The following SYNE1 variants were observed in gnomAD, a reference collection of about 807,000 sequenced individuals.
The protein encoded by SYNE1 is spectrin repeat containing nuclear envelope protein 1, also known as nesprin-1.
SYNE1 carries 616 observed loss-of-function variants against 1,111.0 expected under a neutral mutation model. The ratio of observed to expected loss-of-function variants is 0.55; its 90% CI spans 0.52 to 0.59. SYNE1 has a LOEUF of 0.59. Ranked by LOEUF, SYNE1 falls within the 20% of genes least tolerant of loss-of-function variation. SYNE1 has a pLI of 0.00. For synonymous variants in SYNE1, 3,855 were observed against 3,825.8 expected, an observed-to-expected ratio of 1.01 and a Z score of -0.28; for missense variants, 10,006 against 10,417.0, an observed-to-expected ratio of 0.96 and a Z score of 1.72.
intron 16 of SYNE1, among the ~76,000 whole-genome samples, chr6:152,469,010 T>C (rs1224039424): frequency 2.6e-5 from 4 of 152,136 alleles, no homozygotes; most frequent in African/African-American, 7.2e-5. Flanking sequence ...ACTCCTGGCC[T>C]CAAGTGACTC....
At chr6:152,380,976 C>G in intron 56 of SYNE1, 30 bp downstream of exon 56, 5 of 1,602,506 alleles carry the variant, frequency 3.1e-6, no homozygotes, top group Non-Finnish European at 4.3e-6. Context: ...TAAAGCATAA[C>G]CACCAATAGA....
In SYNE1 at chr6:152,244,536, C is replaced by T; in HGVS notation, c.19692+1G>A. 1 of 1,614,026 alleles carries T rather than the reference C, an allele frequency of 6.2e-7. No homozygotes were observed. The highest frequency in any genetic ancestry group is 8.5e-7 in the Non-Finnish European group (1 of 1,179,930). On this transcript the variant is annotated splice_donor_variant, in intron 106 of 145. Transcript: ENST00000367255. LOFTEE classifies it high-confidence loss of function. ...TGAATACTACTGGCTGAAGGCTGCA[C>T]CTGGAGCTTGGAGAGTTCTTGCATG...
intron 145 of SYNE1, chr6:152,125,376 T>A: frequency 6.5e-7 from 1 of 1,542,566 alleles, no homozygotes; most frequent in Non-Finnish European, 8.8e-7. Flanking sequence ...CCTCACAGTA[T>A]CCTGCAGATC....
chr6:152,551,518 G>T (rs1217475264), intron 3 of SYNE1, among the ~76,000 whole-genome samples: 1 of 152,226 alleles, frequency 6.6e-6, no homozygotes, highest in South Asian at 2.1e-4. Context: ...GGATGGGTTT[G>T]GTCCCTGAGA....
intron 127 of SYNE1, among the ~76,000 whole-genome samples, chr6:152,199,410 G>A (rs550551335): frequency 6.6e-6 from 1 of 152,248 alleles, no homozygotes; most frequent in African/African-American, 2.4e-5. Flanking sequence ...ATCTGTTGCT[G>A]TTACTACTCA....
intron 95 of SYNE1, among the ~76,000 whole-genome samples, chr6:152,291,625 T>C (rs1161684807): frequency 6.6e-6 from 1 of 152,196 alleles, no homozygotes; most frequent in Non-Finnish European, 1.5e-5. Context: ...TGCATTTTCA[T>C]GTACGAACTC....
chr6:152,610,706 G>C (rs1363454601), intron 3 of SYNE1, among the ~76,000 whole-genome samples: 1 of 152,106 alleles, frequency 6.6e-6, no homozygotes, highest in East Asian at 1.9e-4. Context: ...GATTCAGCAA[G>C]GTTGAAATGA....
rs770216813 is a variant in SYNE1, at chr6:152,534,170, AAATGAATGAATG to A, written c.129+5778_129+5789del. Reference sequence around the variant, plus strand: ...AAGACTCTGTCTCAAAAAAATAAATAAATGAATGAATGAATGAATGAATGAATGAATGAATAA... The same window carrying A: ...AAGACTCTGTCTCAAAAAAATAAATAAATGAATGAATGAATGAATGAATAA... On this transcript the variant is annotated intron_variant, in intron 4 of 145. Coordinates refer to ENST00000367255, the MANE Select transcript of SYNE1 (RefSeq NM_182961.4). Among the ~76,000 whole-genome samples the A allele has an allele frequency of 2.0e-4, 29 of 146,198 alleles. 1 individual carries two copies. The highest frequency in any genetic ancestry group is 1.5e-3 in the South Asian group (7 of 4,602).
Position 152,567,711 on chromosome 6 carries a change from A to G in SYNE1, c.68-27690T>C, listed in dbSNP as rs865813187. 3.9e-5 allele frequency among the ~76,000 whole-genome samples: 6 copies of G among 152,310 alleles called. No homozygotes were observed. In the Middle Eastern group the frequency reaches 0.01, roughly 259 times the overall value. ...AATCCAAGAAAAAAAAGTAATCTTT[A>G]TTGTCAAAAAATAGCTTCCTGGGTG... On this transcript the variant is annotated intron_variant, in intron 3 of 145. Coordinates refer to ENST00000367255, the MANE Select transcript of SYNE1 (RefSeq NM_182961.4).
At chr6:152,517,194 A>G (rs1261586116) in intron 6 of SYNE1, among the ~76,000 whole-genome samples, 2 of 152,246 alleles carry the variant, frequency 1.3e-5, no homozygotes, top group South Asian at 2.1e-4. Flanking sequence ...TGTATTTTCT[A>G]GAGTTCCTGT....
chr6:152,147,798 A>C (rs1048327955), intron 137 of SYNE1: 3 of 479,752 alleles, frequency 6.3e-6, no homozygotes, highest in African/African-American at 3.9e-5. Flanking sequence ...AAGAAGAGGA[A>C]CTGTGTATCC....
At chr6:152,376,268 A>G (rs1268732142) in intron 58 of SYNE1, 113 bp downstream of exon 58, 1 of 1,167,190 alleles carries the variant, frequency 8.6e-7, no homozygotes, top group Non-Finnish European at 1.3e-6. Context: ...CTGGTTCCTA[A>G]CAGGCCAGGG....
chr6:152,452,675 T>A (rs560597410), intron 25 of SYNE1, among the ~76,000 whole-genome samples: 2 of 152,288 alleles, frequency 1.3e-5, no homozygotes. Flanking sequence ...GCTAGAGCTG[T>A]CTTCCTCCTG....
intron 63 of SYNE1, among the ~76,000 whole-genome samples, chr6:152,363,526 TAAATAAATAAATAA>T (rs1256120900): frequency 6.8e-6 from 1 of 147,510 alleles, no homozygotes; most frequent in South Asian, 2.2e-4. Context: ...AATAAATAAA[TAAATAAATAAATAA>T]ATATAAAAAT....
chr6:152,607,103 G>A (rs112999414), intron 3 of SYNE1, among the ~76,000 whole-genome samples: 2 of 144,248 alleles, frequency 1.4e-5, no homozygotes, highest in African/African-American at 5.2e-5. Context: ...TCCTGCCTCA[G>A]CCCCCCCAGT....
intron 4 of SYNE1, among the ~76,000 whole-genome samples, chr6:152,530,951 C>G (rs1212776120): frequency 2.3e-4 from 33 of 144,582 alleles, no homozygotes; most frequent in Admixed American, 2.2e-3. Flanking sequence ...CTGTCCCTGC[C>G]TGGGACATGA....
intron 98 of SYNE1, among the ~76,000 whole-genome samples, chr6:152,269,809 G>A (rs1562657643): frequency 6.6e-6 from 1 of 152,116 alleles, no homozygotes; most frequent in Non-Finnish European, 1.5e-5. Context: ...ACATTTTAAT[G>A]TCTTTGAGAA....
intron 84 of SYNE1, 48 bp from the exon 85 acceptor site, chr6:152,319,063 A>G: frequency 6.2e-7 from 1 of 1,608,662 alleles, no homozygotes; most frequent in Non-Finnish European, 8.5e-7. Flanking sequence ...TTAAAAGTGA[A>G]TAATAGATAC....
intron 129 of SYNE1, among the ~76,000 whole-genome samples, chr6:152,179,841 C>T (rs533625890): frequency 5.3e-5 from 8 of 151,684 alleles, no homozygotes; most frequent in Non-Finnish European, 1.0e-4. Flanking sequence ...CGCACCACCA[C>T]GCCAGGCTAA....
Sources: gnomAD v4.1 joint callset for allele counts (sites outside exome capture counted in the v4.1 genomes callset) on GRCh38, gnomAD v4.1.1 for gene constraint, MANE v1.5 for transcripts, NCBI Gene and HGNC (gene_info 2026-07-23, HGNC 2026-07-21) for gene names.